TLE4: variants seen among roughly 807,000 people sequenced by gnomAD.
TLE4 encodes transducin-like enhancer protein 4.
In TLE4, 8 loss-of-function variants were observed where a neutral mutation model predicts 92.8. The ratio of observed to expected loss-of-function variants is 0.09; its 90% CI spans 0.05 to 0.16. The LOEUF is 0.16. Ranked by LOEUF, TLE4 falls within the 10% of genes least tolerant of loss-of-function variation. The pLI is 1.00. For synonymous variants in TLE4, 371 were observed against 374.1 expected, an observed-to-expected ratio of 0.99 and a Z score of 0.10; for missense variants, 675 against 997.6, an observed-to-expected ratio of 0.68 and a Z score of 4.36.
At chr9:79,686,637 G>C (rs1362301608) in intron 8 of TLE4, among the ~76,000 whole-genome samples, 3 of 152,196 alleles carry the variant, frequency 2.0e-5, no homozygotes, top group Non-Finnish European at 2.9e-5. Context: ...ACAAACCGAA[G>C]AATGCCAAGG....
intron 6 of TLE4, among the ~76,000 whole-genome samples, chr9:79,651,448 A>G (rs1198743828): frequency 6.6e-5 from 10 of 152,020 alleles, no homozygotes; most frequent in African/African-American, 4.8e-5. Flanking sequence ...GGCTTTCTCT[A>G]TGTGTTGCCA....
At chr9:79,713,119 A>G (rs560102079) in intron 14 of TLE4, among the ~76,000 whole-genome samples, 63 of 152,326 alleles carry the variant, frequency 4.1e-4, no homozygotes, top group Admixed American at 9.2e-4. Context: ...TGTGACCTCA[A>G]GGTCGAAGCC....
intron 8 of TLE4, among the ~76,000 whole-genome samples, chr9:79,672,555 C>T (rs1418435010): frequency 6.6e-6 from 1 of 152,116 alleles, no homozygotes; most frequent in Non-Finnish European, 1.5e-5. Flanking sequence ...ATATTTGAGG[C>T]GGTTCATTCT....
chr9:79,621,285 A>G (rs1045683239), intron 5 of TLE4, among the ~76,000 whole-genome samples: 2 of 152,292 alleles, frequency 1.3e-5, no homozygotes, highest in African/African-American at 4.8e-5. Context: ...AGTAATGTGC[A>G]CTACAAGGAG....
intron 6 of TLE4, among the ~76,000 whole-genome samples, chr9:79,636,100 A>C (rs886738969): frequency 2.0e-5 from 3 of 152,032 alleles, no homozygotes; most frequent in African/African-American, 7.3e-5. Context: ...TACACACAGC[A>C]GCCAGAGTGA....
At chr9:79,658,501 A>G (rs551582216) in intron 8 of TLE4, among the ~76,000 whole-genome samples, 1 of 152,306 alleles carries the variant, frequency 6.6e-6, no homozygotes, top group Non-Finnish European at 1.5e-5. Context: ...AAAACATCAT[A>G]CATTGCTTTT....
At chr9:79,696,493 A>G (rs1440766564) in intron 8 of TLE4, among the ~76,000 whole-genome samples, 1 of 152,158 alleles carries the variant, frequency 6.6e-6, no homozygotes, top group Non-Finnish European at 1.5e-5. Context: ...TTAAATTGAT[A>G]TATTGTCATT....
intron 4 of TLE4, among the ~76,000 whole-genome samples, chr9:79,586,629 C>G (rs1254257367): frequency 6.6e-6 from 1 of 152,050 alleles, no homozygotes; most frequent in Non-Finnish European, 1.5e-5. Context: ...CATCAAGGAC[C>G]CTTTCCTTAG....
intron 8 of TLE4, among the ~76,000 whole-genome samples, chr9:79,701,414 A>G (rs1326910064): frequency 6.6e-6 from 1 of 152,228 alleles, no homozygotes; most frequent in Non-Finnish European, 1.5e-5. Flanking sequence ...ATGAACATAA[A>G]ATCTAAATCT....
At chr9:79,629,394 A>G (rs1224007167) in intron 6 of TLE4, among the ~76,000 whole-genome samples, 1 of 152,092 alleles carries the variant, frequency 6.6e-6, no homozygotes, top group Non-Finnish European at 1.5e-5. Context: ...ATTTTTATAT[A>G]CTTTATTTGG....
In TLE4 at chr9:79,576,153, G is replaced by C. The variant is rs754565897; in HGVS notation, c.228G>C (p.Gly76=). ...GACAGTATTATGAAATGTCCTATGG[G>C]TTGAATATAGAAATGCACAAGCAGG... ...HYVMYYEMSY[G]LNIEMHKQAE... Residue 76 remains glycine, a synonymous_variant, in exon 4 of 20, where the codon GGG becomes GGC. Coordinates refer to ENST00000376552, the MANE Select transcript of TLE4 (RefSeq NM_007005.6). 1 of 1,536,290 alleles carries C rather than the reference G, an allele frequency of 6.5e-7. No individual in the cohort carries two copies. Among genetic ancestry groups the C allele is most frequent in the East Asian group, 2.4e-5 (1 of 42,516 alleles).
chr9:79,602,601 A>G (rs905769954), intron 4 of TLE4, among the ~76,000 whole-genome samples: 1 of 152,102 alleles, frequency 6.6e-6, no homozygotes, highest in African/African-American at 2.4e-5. Context: ...CATTGTTGAG[A>G]CCTACTGCTC....
At chr9:79,595,268 G>C (rs991890303) in intron 4 of TLE4, among the ~76,000 whole-genome samples, 1 of 152,204 alleles carries the variant, frequency 6.6e-6, no homozygotes, top group South Asian at 2.1e-4. Flanking sequence ...TGCGATTGGG[G>C]AATGTTGCTT....
At chr9:79,588,777 A>T (rs2041837032) in intron 4 of TLE4, among the ~76,000 whole-genome samples, 1 of 152,190 alleles carries the variant, frequency 6.6e-6, no homozygotes, top group African/African-American at 2.4e-5. Flanking sequence ...GGTGGAGGAG[A>T]GATGGAGGTT....
chr9:79,638,295 C>T (rs1398697734), intron 6 of TLE4, among the ~76,000 whole-genome samples: 6 of 152,076 alleles, frequency 3.9e-5, no homozygotes, highest in African/African-American at 1.4e-4. Context: ...TACTTCATTG[C>T]TTTGTGATAA....
chr9:79,598,921 A>G lies in TLE4; in HGVS notation c.253-13735A>G, dbSNP rs577735952. On this transcript the variant is annotated intron_variant, in intron 4 of 19. Transcript: ENST00000376552. ...GTTTCTACCAGAGCTTCTAGTTTAG[A>G]GTAGGAGCCAGTAACTGAAAACATC... Among the ~76,000 whole-genome samples, 467 of 152,300 alleles carry G rather than the reference A, an allele frequency of 3.1e-3. 2 individuals carry two copies. Among genetic ancestry groups the G allele is most frequent in the African/African-American group, 0.011 (446 of 41,554 alleles).
chr9:79,681,657 T>G (rs1361589763), intron 8 of TLE4, among the ~76,000 whole-genome samples: 3 of 152,032 alleles, frequency 2.0e-5, no homozygotes, highest in Non-Finnish European at 4.4e-5. Context: ...TGGATACAGA[T>G]CTGTTCAGTG....
chr9:79,659,562 C>A (rs936601043), intron 8 of TLE4, among the ~76,000 whole-genome samples: 3 of 151,990 alleles, frequency 2.0e-5, no homozygotes, highest in Non-Finnish European at 2.9e-5. Flanking sequence ...TTGTTGTGAT[C>A]TCTGTTAGGT....
chr9:79,596,050 G>A (rs1173658468), intron 4 of TLE4, among the ~76,000 whole-genome samples: 1 of 152,026 alleles, frequency 6.6e-6, no homozygotes, highest in African/African-American at 2.4e-5. Flanking sequence ...GTTTCACCGT[G>A]TTAGCCAGGA....
Sources: allele counts gnomAD v4.1 joint callset (sites outside exome capture counted in the v4.1 genomes callset), GRCh38; gene constraint gnomAD v4.1.1; transcripts MANE v1.5; gene names NCBI Gene and HGNC (gene_info 2026-07-23, HGNC 2026-07-21).